Variants in PAQR3 observed in about 807,000 individuals in gnomAD.
The protein encoded by PAQR3 is progestin and adipoQ receptor family member 3.
PAQR3 carries 39 observed loss-of-function variants against 41.7 expected under a neutral mutation model. The observed-to-expected ratio is 0.93, with a 90% confidence interval of 0.72 to 1.22. The LOEUF (loss-of-function observed/expected upper bound fraction) is 1.22, where lower values mean the gene tolerates loss of function less well. Among genes scored for constraint, PAQR3 ranks in the 50% most tolerant of loss-of-function variants. PAQR3 has a pLI of 0.00. For missense variants in PAQR3, 366 were observed against 385.6 expected (o/e 0.95, Z 0.42); for synonymous variants, 140 against 140.6 (o/e 1.00, Z 0.03).
rs371860468 is a variant in PAQR3 at position 78,923,919 on chromosome 4, T to C, written c.731A>G (p.Tyr244Cys). ...TAGGAAAGCAAGAAGAGCAATCATATACATCACAATTACACGGGGTGCAAA... is the reference window on the plus strand; with the variant it reads ...TAGGAAAGCAAGAAGAGCAATCATACACATCACAATTACACGGGGTGCAAA... ...QDFAPRVIVM[Y>C]MIALLAFLFY... Residue 244 changes from tyrosine (Y) to cysteine (C), a missense_variant, in exon 5 of 6, where the codon TAT becomes TGT. Transcript: ENST00000512733. 2 of 1,613,290 alleles carry C rather than the reference T, an allele frequency of 1.2e-6. No individual in the cohort carries two copies. The highest frequency in any genetic ancestry group is 1.7e-6 in the Non-Finnish European group (2 of 1,179,394).
intron 1 of PAQR3, 52 bp downstream of exon 1, chr4:78,938,988 A>T: frequency 1.4e-6 from 2 of 1,462,878 alleles, no homozygotes; most frequent in Non-Finnish European, 1.9e-6. Flanking sequence ...CCAGACAAAA[A>T]GGGTGTAGGT....
Position 78,912,182 on chromosome 4 carries a change from A to G in PAQR3, c.*8357T>C, listed in dbSNP as rs1446867983. On this transcript the variant is annotated 3_prime_UTR_variant, in exon 6 of 6. Transcript: ENST00000512733. Reference sequence around the variant, plus strand: ...GATTTCTAAATAAACCAAATAGAAGAATGAAGTATCTCTACAGGGTAGTAA... The same window carrying G: ...GATTTCTAAATAAACCAAATAGAAGGATGAAGTATCTCTACAGGGTAGTAA... 1 of 733,194 alleles carries G rather than the reference A, an allele frequency of 1.4e-6. No homozygotes were observed. The highest frequency in any genetic ancestry group is 2.2e-6 in the Non-Finnish European group (1 of 446,966). The allele number at this position is 733,194 out of a possible 1,614,324, so 45.4% of individuals were successfully genotyped here. A position where few individuals can be genotyped will look rare whatever the true frequency, so the allele number is the denominator to read the frequency against.
chr4:78,895,452 G>A (rs555930692), intron 11 of PAQR3, among the ~76,000 whole-genome samples: 3 of 152,162 alleles, frequency 2.0e-5, no homozygotes, highest in African/African-American at 4.8e-5. Flanking sequence ...TTGATTAAAG[G>A]TTGAAATCCC....
At chr4:78,910,126 C>T (rs1341625669), downstream of PAQR3, among the ~76,000 whole-genome samples, 4 of 152,078 alleles carry the variant, frequency 2.6e-5, no homozygotes, top group Non-Finnish European at 5.9e-5. Context: ...ATAAAAAATA[C>T]AATGCTGATT....
intron 5 of PAQR3, among the ~76,000 whole-genome samples, chr4:78,923,295 T>C (rs1735848988): frequency 1.3e-5 from 2 of 152,070 alleles, no homozygotes; most frequent in Admixed American, 6.6e-5. Flanking sequence ...ATGTACATAT[T>C]GTGAAGTGAT....
chr4:78,911,740 C>T (rs1383444973), downstream of PAQR3: 2 of 1,613,868 alleles, frequency 1.2e-6, no homozygotes, highest in Non-Finnish European at 1.7e-6. Flanking sequence ...TGAGGAGAGC[C>T]TGTTGGACCC....
Position 78,935,245 on chromosome 4 carries a change from C to T in PAQR3, c.224G>A (p.Ser75Asn), listed in dbSNP as rs1737306111. 1 of 1,613,590 alleles carries T rather than the reference C, an allele frequency of 6.2e-7. No individual in the cohort carries two copies. Among genetic ancestry groups the T allele is most frequent in the Non-Finnish European group, 8.5e-7 (1 of 1,179,742 alleles). The part of the protein sequence containing the change: ...ILSNETVNIW[S>N]HLLGFFLFFT... Reference sequence around the variant, plus strand: ...GAAGAGAAAGAAACCCAGCAAATGACTCCAGATGTTTACTGTCTCATTAGA... The same window carrying T: ...GAAGAGAAAGAAACCCAGCAAATGATTCCAGATGTTTACTGTCTCATTAGA... The change falls in exon 2 of 6, where the codon AGT (serine) becomes AAT (asparagine). Residue 75 changes from serine to asparagine, a missense_variant. Transcript: ENST00000512733.
downstream of PAQR3, chr4:78,887,122 GATC>G: frequency 7.9e-7 from 1 of 1,271,928 alleles, no homozygotes; most frequent in South Asian, 1.3e-5. Context: ...TTAATTTAAA[GATC>G]ATTTTTATTT....
In PAQR3 at chr4:78,920,693, G is replaced by A; in HGVS notation, c.794-12C>T. 6.3e-7 allele frequency: 1 copy of A among 1,593,296 alleles called. No individual in the cohort carries two copies. Among genetic ancestry groups the A allele is most frequent in the African/African-American group, 1.4e-5 (1 of 73,992 alleles). On this transcript the variant is annotated splice_polypyrimidine_tract_variant and intron_variant, in intron 5 of 5. Transcript: ENST00000512733. ...GTAGTTTAGTTGTCCTGGAAAGAAG[G>A]TAGAAAGAAAATGATAATGATTTCA... is the stretch of plus-strand genomic sequence containing the variant.
chr4:78,906,593 T>TA (rs1436890148), intron 10 of PAQR3, among the ~76,000 whole-genome samples: 1 of 152,156 alleles, frequency 6.6e-6, no homozygotes, highest in Non-Finnish European at 1.5e-5. Flanking sequence ...GCTGTGTGGA[T>TA]ATACATTTGT....
chr4:78,908,446 T>C (rs62307995), downstream of PAQR3, among the ~76,000 whole-genome samples: 11,135 of 152,244 alleles, frequency 0.073, 560 homozygotes, highest in East Asian at 0.21. Flanking sequence ...GTTTGTTTTG[T>C]ATGTTCATCT....
At chr4:78,889,153 G>A (rs1044550981) in intron 11 of PAQR3, among the ~76,000 whole-genome samples, 1 of 150,868 alleles carries the variant, frequency 6.6e-6, no homozygotes, top group Admixed American at 6.6e-5. Flanking sequence ...CCCGGGAGGC[G>A]GAGTTTGCAG....
Position 78,918,141 on chromosome 4 carries a change from A to G in PAQR3, c.*2398T>C. 5 of 965,400 alleles carry G rather than the reference A, an allele frequency of 5.2e-6. No homozygotes were observed. The highest frequency in any genetic ancestry group is 6.2e-6 in the Non-Finnish European group (5 of 811,430). 59.8% of individuals were successfully genotyped at this position (965,400 alleles called of 1,614,324 possible). A position where few individuals can be genotyped will look rare whatever the true frequency, so the allele number is the denominator to read the frequency against. On this transcript the variant is annotated 3_prime_UTR_variant, in exon 6 of 6. Coordinates refer to ENST00000512733, the MANE Select transcript of PAQR3 (RefSeq NM_001040202.2). ...ATTTAAAACAGCCATAGATAATTTT[A>G]AAATGTAAAATCTGTAGGCAAAAAG...
chr4:78,926,580 C>T lies in PAQR3; in HGVS notation c.643G>A (p.Val215Met), dbSNP rs747880095. The T allele has an allele frequency of 3.7e-6, 6 of 1,614,002 alleles. No individual in the cohort carries two copies. The South Asian group carries it at 6.6e-5, about 18-fold the overall frequency. The change falls in exon 4 of 6, where the codon GTG becomes ATG. Residue 215 changes from valine to methionine, a missense_variant. Transcript: ENST00000512733. ...CAAACCCAGTGAAGAGTAGGAATCA[C>T]TCCATATCCCGAAACAGAACAAAAG... ...IIFCSVSGYG[V>M]IPTLHWVWLN...
chr4:78,892,764 ATC>A (rs1733509899), intron 11 of PAQR3, among the ~76,000 whole-genome samples: 1 of 152,148 alleles, frequency 6.6e-6, no homozygotes, highest in Admixed American at 6.5e-5. Flanking sequence ...CTATGCTGTA[ATC>A]TGTTAAGTAT....
chr4:78,928,672 C>A (rs1251009898), intron 3 of PAQR3, among the ~76,000 whole-genome samples: 1 of 152,194 alleles, frequency 6.6e-6, no homozygotes, highest in Non-Finnish European at 1.5e-5. Flanking sequence ...GTTTCTGGCA[C>A]CAGGGACTGG....
chr4:78,893,683 A>G (rs1733557533), intron 11 of PAQR3, among the ~76,000 whole-genome samples: 5 of 152,154 alleles, frequency 3.3e-5, no homozygotes, highest in Admixed American at 3.3e-4. Flanking sequence ...CCGCCTCAGC[A>G]TCCCATGTAG....
chr4:78,901,811 C>A (rs1238802074), intron 11 of PAQR3, among the ~76,000 whole-genome samples: 1 of 152,174 alleles, frequency 6.6e-6, no homozygotes, highest in Non-Finnish European at 1.5e-5. Flanking sequence ...GTTTTAGTGA[C>A]ATGTAGGCCA....
chr4:78,939,061 G>T lies in PAQR3; in HGVS notation c.164C>A (p.Pro55Gln), dbSNP rs376829588. Residue 55 changes from proline to glutamine, a missense_variant, in exon 1 of 6, where the codon CCG becomes CAG. Pro to Gln is a moderately conservative substitution (Grantham distance 76, BLOSUM62 -1). Transcript: ENST00000512733. Reference protein sequence around the residue: ...YITDGYRAYLPSRLCIKSLFI... With the variant: ...YITDGYRAYLQSRLCIKSLFI... Reference sequence around the variant, plus strand: ...GTACCTTTTGATACACAGCCTGGACGGCAGGTAGGCCCGGTAGCCGTCGGT... The same window carrying T: ...GTACCTTTTGATACACAGCCTGGACTGCAGGTAGGCCCGGTAGCCGTCGGT... 1.2e-6 allele frequency: 2 copies of T among 1,608,516 alleles called. No homozygotes were observed. The highest frequency in any genetic ancestry group is 1.3e-5 in the African/African-American group (1 of 74,738).
Sources: allele counts gnomAD v4.1 joint callset (sites outside exome capture counted in the v4.1 genomes callset), GRCh38; gene constraint gnomAD v4.1.1; transcripts MANE v1.5; gene names NCBI Gene and HGNC (gene_info 2026-07-23, HGNC 2026-07-21).